TOLLIP: variants seen among roughly 807,000 people sequenced by gnomAD.
TOLLIP encodes toll interacting protein, also known as toll-interacting protein.
A neutral mutation model predicts 33.5 loss-of-function variants in TOLLIP; 16 were observed. The ratio of observed to expected loss-of-function variants is 0.48; its 90% CI spans 0.32 to 0.72. TOLLIP has a LOEUF of 0.72. TOLLIP is among the 30% of genes least tolerant of loss of function. The pLI, the probability that TOLLIP is intolerant of heterozygous loss-of-function variation, is 0.03. For missense variants in TOLLIP, 325 were observed against 396.6 expected (o/e 0.82, Z 1.53); for synonymous variants, 176 against 163.7 (o/e 1.07, Z -0.57).
In TOLLIP at chr11:1,295,750, G is replaced by A. The variant is rs748528354; in HGVS notation, c.78C>T (p.Pro26=). The stretch of plus-strand genomic sequence containing the variant: ...GCTGGACCTGCCGCTGCTGCTGTGT[G>A]GGCGTGATGCGGAGGAAGTCCTGCG... ...ELPQDFLRIT[P]TQQQRQVQLD... The change falls in exon 2 of 6, where the codon CCC becomes CCT. Residue 26 remains proline (P), a synonymous_variant. Transcript: ENST00000317204. The A allele has an allele frequency of 3.7e-6, 6 of 1,605,334 alleles. 1 individual carries two copies. In the South Asian group the frequency reaches 6.7e-5, roughly 18 times the overall value.
In TOLLIP at chr11:1,274,759, G is replaced by A. The variant is rs997210780; in HGVS notation, c.*2280C>T. ...CAAGGCCTGGGCCCTCAGACACCAGGGGCCTAAACCCAGCTCCCAAACCCA... is the reference window on the plus strand; with the variant it reads ...CAAGGCCTGGGCCCTCAGACACCAGAGGCCTAAACCCAGCTCCCAAACCCA... On this transcript the variant is annotated 3_prime_UTR_variant, in exon 6 of 6. Coordinates refer to ENST00000317204, the MANE Select transcript of TOLLIP (RefSeq NM_019009.4). 6.6e-6 allele frequency: 1 copy of A among 152,242 alleles called. No homozygotes were observed. The highest frequency in any genetic ancestry group is 1.5e-5 in the Non-Finnish European group (1 of 68,068). 9.4% of individuals were successfully genotyped at this position (152,242 alleles called of 1,614,324 possible). A position where few individuals can be genotyped will look rare whatever the true frequency, so the allele number is the denominator to read the frequency against.
chr11:1,286,350 C>T (rs1863691964), intron 4 of TOLLIP, among the ~76,000 whole-genome samples: 1 of 152,172 alleles, frequency 6.6e-6, no homozygotes, highest in Admixed American at 6.5e-5. Flanking sequence ...TGGGATGTGA[C>T]TGAGAGAGGA....
At chr11:1,305,629 GCCATC>G (rs1318123100) in intron 1 of TOLLIP, among the ~76,000 whole-genome samples, 10 of 152,180 alleles carry the variant, frequency 6.6e-5, no homozygotes, top group Admixed American at 5.9e-4. Flanking sequence ...ACTACCCTCT[GCCATC>G]CCTAATGAAG....
Position 1,295,841 on chromosome 11 carries a change from C to T in TOLLIP, c.34-47G>A, listed in dbSNP as rs1349064178. 3.3e-6 allele frequency: 5 copies of T among 1,504,720 alleles called. No homozygotes were observed. The African/African-American group carries it at 4.2e-5, about 13-fold the overall frequency. 93.2% of individuals were successfully genotyped at this position (1,504,720 alleles called of 1,614,324 possible). A position where few individuals can be genotyped will look rare whatever the true frequency, so the allele number is the denominator to read the frequency against. On this transcript the variant is annotated intron_variant, in intron 1 of 5. Transcript: ENST00000317204. The stretch of plus-strand genomic sequence containing the variant: ...AGGCCAGTGAGTCAGGGTGGGGGCA[C>T]AAAGCAGCCCGACAGCAGCTGCCCC...
chr11:1,292,521 T>C (rs1228316866), intron 2 of TOLLIP, among the ~76,000 whole-genome samples: 1 of 152,212 alleles, frequency 6.6e-6, no homozygotes, highest in Admixed American at 6.5e-5. Flanking sequence ...CCCTCTGCAC[T>C]GTGGCTAGAA....
At chr11:1,282,482 A>C (rs1203638681) in intron 5 of TOLLIP, among the ~76,000 whole-genome samples, 2 of 151,150 alleles carry the variant, frequency 1.3e-5, no homozygotes, top group Non-Finnish European at 2.9e-5. Context: ...AAAATAAATA[A>C]ATAAATAAAA....
chr11:1,305,224 C>A (rs2133934077), intron 1 of TOLLIP, among the ~76,000 whole-genome samples: 1 of 152,342 alleles, frequency 6.6e-6, no homozygotes, highest in East Asian at 1.9e-4. Flanking sequence ...AAAAATCCAG[C>A]GCAAAGGTTC....
Position 1,290,254 on chromosome 11 carries a change from G to A in TOLLIP, c.339C>T (p.Asp113=), listed in dbSNP as rs769586893. The A allele has an allele frequency of 3.1e-6, 5 of 1,613,338 alleles. No individual in the cohort carries two copies. The highest frequency in any genetic ancestry group is 1.7e-5 in the Admixed American group (1 of 59,994). The change falls in exon 3 of 6, where the codon GAC becomes GAT. Residue 113 remains aspartate (D), a synonymous_variant. Coordinates refer to ENST00000317204, the MANE Select transcript of TOLLIP (RefSeq NM_019009.4). The surrounding 1 kb of genome is among the most constrained non-coding windows in gnomAD (Gnocchi z 4.9). ...CATCGAAGATCTCGAGATAGAAAGA[G>A]TCCACGCCTGGGGGCACCGTGCAGT... ...VIHCTVPPGV[D]SFYLEIFDER...
In TOLLIP at chr11:1,286,074, C is replaced by A. The variant is rs1863682960; in HGVS notation, c.538G>T (p.Val180Leu). 6.3e-7 allele frequency: 1 copy of A among 1,598,042 alleles called. No homozygotes were observed. The highest frequency in any genetic ancestry group is 1.3e-5 in the African/African-American group (1 of 74,866). ...MSYALLPAAM[V>L]MPPQPVVLMP... ...AGGACCACGGGCTGGGGTGGCATCACCATGGCAGCTGGAAGCAGCTGAAAC... is the reference window on the plus strand; with the variant it reads ...AGGACCACGGGCTGGGGTGGCATCAACATGGCAGCTGGAAGCAGCTGAAAC... The change falls in exon 5 of 6, where the codon GTG becomes TTG. Residue 180 changes from valine to leucine, a missense_variant. Transcript: ENST00000317204.
At chr11:1,306,466 G>A (rs1046475447) in intron 1 of TOLLIP, among the ~76,000 whole-genome samples, 1 of 152,116 alleles carries the variant, frequency 6.6e-6, no homozygotes, top group African/African-American at 2.4e-5. Context: ...GGACCCTGGG[G>A]AGCATCTCTT....
At chr11:1,282,012 C>A (rs1054477164) in intron 5 of TOLLIP, among the ~76,000 whole-genome samples, 1 of 152,232 alleles carries the variant, frequency 6.6e-6, no homozygotes, top group Non-Finnish European at 1.5e-5. Flanking sequence ...AAAATTAGGG[C>A]ATCAGCTTCC....
chr11:1,301,041 TCGAA>T (rs1864261045), intron 1 of TOLLIP, among the ~76,000 whole-genome samples: 1 of 152,258 alleles, frequency 6.6e-6, no homozygotes, highest in Non-Finnish European at 1.5e-5. Context: ...CATAACTAAG[TCGAA>T]CGAAGTTCAA....
At chr11:1,286,550 C>T (rs1863701914) in intron 4 of TOLLIP, among the ~76,000 whole-genome samples, 1 of 151,934 alleles carries the variant, frequency 6.6e-6, no homozygotes, top group Non-Finnish European at 1.5e-5. Flanking sequence ...TCAAAACTGT[C>T]AACTGCGGAT....
chr11:1,288,809 T>C, intron 3 of TOLLIP, 33 bp from the exon 4 acceptor site: 1 of 1,601,934 alleles, frequency 6.2e-7, no homozygotes, highest in Non-Finnish European at 8.5e-7. Flanking sequence ...GCCCCAGGCA[T>C]CAGGGAAGGG....
At chr11:1,309,346 G>C (rs1864524382) in intron 1 of TOLLIP, 120 bp downstream of exon 1, 1 of 520,080 alleles carries the variant, frequency 1.9e-6, no homozygotes, top group Admixed American at 4.9e-5. Flanking sequence ...GGCGCCCCGC[G>C]TGCCCCGGGA....
intron 1 of TOLLIP, among the ~76,000 whole-genome samples, chr11:1,307,367 C>T (rs1864447447): frequency 6.6e-6 from 1 of 152,230 alleles, no homozygotes; most frequent in Non-Finnish European, 1.5e-5. Flanking sequence ...CCAGCACAGG[C>T]CCTGCGTGTG....
chr11:1,288,931 A>G (rs1863840489), intron 3 of TOLLIP, among the ~76,000 whole-genome samples, 155 bp from the exon 4 acceptor site: 1 of 152,224 alleles, frequency 6.6e-6, no homozygotes, highest in East Asian at 1.9e-4. Flanking sequence ...CCCCTCGGGC[A>G]GCGCAGGCTT....
chr11:1,292,735 C>T (rs1442523768), intron 2 of TOLLIP, among the ~76,000 whole-genome samples: 4 of 152,172 alleles, frequency 2.6e-5, no homozygotes, highest in Admixed American at 1.3e-4. Flanking sequence ...CAGCAGACAC[C>T]GTGGGGACAC....
At chr11:1,287,244 CTG>C (rs1273476447) in intron 4 of TOLLIP, among the ~76,000 whole-genome samples, 1 of 152,236 alleles carries the variant, frequency 6.6e-6, no homozygotes, top group Non-Finnish European at 1.5e-5. Context: ...CATGATGGTT[CTG>C]TGTTTGTATG....
Sources: allele counts gnomAD v4.1 joint callset (sites outside exome capture counted in the v4.1 genomes callset), GRCh38; gene constraint gnomAD v4.1.1; non-coding constraint Gnocchi (gnomAD v3.1); transcripts MANE v1.5; gene names NCBI Gene and HGNC (gene_info 2026-07-23, HGNC 2026-07-21).